The following ARFGEF2 variants were observed in gnomAD, a reference collection of about 807,000 sequenced individuals.
ARFGEF2 encodes ARF guanine nucleotide exchange factor 2.
ARFGEF2 carries 74 observed loss-of-function variants against 219.9 expected under a neutral mutation model. The ratio of observed to expected loss-of-function variants is 0.34; its 90% CI spans 0.28 to 0.41. The LOEUF (loss-of-function observed/expected upper bound fraction) is 0.41, where lower values mean the gene tolerates loss of function less well. Ranked by LOEUF, ARFGEF2 falls within the 10% of genes least tolerant of loss-of-function variation. The pLI is 1.00. For missense variants in ARFGEF2, 1,743 were observed against 2,218.3 expected (o/e 0.79, Z 4.30); for synonymous variants, 733 against 799.2 (o/e 0.92, Z 1.40).
chr20:48,925,908 T>A (rs2090873990), intron 1 of ARFGEF2, among the ~76,000 whole-genome samples: 1 of 152,128 alleles, frequency 6.6e-6, no homozygotes, highest in Non-Finnish European at 1.5e-5. Flanking sequence ...ATCAAGAAAA[T>A]TTAAAAAGAA....
At chr20:48,964,295 T>G (rs112373623) in intron 7 of ARFGEF2, among the ~76,000 whole-genome samples, 75 of 152,104 alleles carry the variant, frequency 4.9e-4, no homozygotes, top group Non-Finnish European at 6.8e-4. Context: ...GTCCCAGCTA[T>G]TCGGGAGGCT....
intron 3 of ARFGEF2, among the ~76,000 whole-genome samples, chr20:48,943,445 A>G (rs2091006244): frequency 6.6e-6 from 1 of 152,254 alleles, no homozygotes; most frequent in Non-Finnish European, 1.5e-5. Context: ...TGACTTGTCC[A>G]GTAATATACA....
chr20:49,019,922 A>G (rs963251169), intron 34 of ARFGEF2, among the ~76,000 whole-genome samples: 10 of 152,064 alleles, frequency 6.6e-5, no homozygotes, highest in Non-Finnish European at 1.2e-4. Flanking sequence ...TTGTCTCTTA[A>G]TGTTGCTTAT....
At chr20:49,004,086 C>T (rs1036313486) in intron 25 of ARFGEF2, among the ~76,000 whole-genome samples, 8 of 152,154 alleles carry the variant, frequency 5.3e-5, no homozygotes, top group South Asian at 2.1e-4. Flanking sequence ...AGTTCTCTGC[C>T]GGGCGTGGTG....
chr20:48,924,763 T>C (rs557515319), intron 1 of ARFGEF2, among the ~76,000 whole-genome samples: 16 of 151,904 alleles, frequency 1.1e-4, no homozygotes, highest in African/African-American at 3.9e-4. Flanking sequence ...AGATGTTAGC[T>C]AGGAGTGTAT....
chr20:48,975,744 T>G (rs1333541849), intron 13 of ARFGEF2, among the ~76,000 whole-genome samples: 2 of 144,974 alleles, frequency 1.4e-5, no homozygotes, highest in East Asian at 4.0e-4. Flanking sequence ...GAGGTTGCAC[T>G]GAGCCGAGAT....
chr20:48,927,909 T>G (rs139804345), intron 1 of ARFGEF2, among the ~76,000 whole-genome samples: 1,711 of 152,228 alleles, frequency 0.011, 12 homozygotes, highest in Non-Finnish European at 0.019. Context: ...GAGGAGGTTA[T>G]CTGTCTGGAA....
rs749849485 is a variant in ARFGEF2 at position 48,952,900 on chromosome 20, T to TA, written c.603+17dup. ...AAACCAAGTGGTGAGTGACAGCACT[T>TA]ACGTGCTAGGGGCAAGACATCATTG... On this transcript the variant is annotated intron_variant, in intron 5 of 38. Coordinates refer to ENST00000371917, the MANE Select transcript of ARFGEF2 (RefSeq NM_006420.3). 1.9e-6 allele frequency: 3 copies of TA among 1,613,948 alleles called. No homozygotes were observed. Among genetic ancestry groups the TA allele is most frequent in the East Asian group, 2.2e-5 (1 of 44,880 alleles).
intron 30 of ARFGEF2, among the ~76,000 whole-genome samples, chr20:49,015,518 C>G (rs1209299033): frequency 6.6e-5 from 10 of 152,214 alleles, no homozygotes; most frequent in Admixed American, 6.5e-4. Context: ...CTGGACAGCA[C>G]TGAAATGAAC....
chr20:48,979,949 TTTTTTGAAGGG>T (rs2091284933), intron 14 of ARFGEF2, among the ~76,000 whole-genome samples: 1 of 152,094 alleles, frequency 6.6e-6, no homozygotes, highest in African/African-American at 2.4e-5. Flanking sequence ...TCGTTGATTT[TTTTTTGAAGGG>T]TTTTTTATGT....
chr20:48,954,644 C>G (rs2091095015), intron 6 of ARFGEF2, among the ~76,000 whole-genome samples: 1 of 152,148 alleles, frequency 6.6e-6, no homozygotes, highest in South Asian at 2.1e-4. Context: ...AGGTTTTATT[C>G]CTTTATAATT....
At chr20:49,032,921 A>C in intron 38 of ARFGEF2, 102 bp from the exon 39 acceptor site, 2 of 1,143,880 alleles carry the variant, frequency 1.7e-6, no homozygotes, top group Non-Finnish European at 2.6e-6. Flanking sequence ...GAAAAGCACC[A>C]ATATTGTAAT....
rs2091321159 is a variant in ARFGEF2, at chr20:48,985,393, G to A, written c.2071-15G>A. 6.2e-7 allele frequency: 1 copy of A among 1,613,904 alleles called. No homozygotes were observed. Among genetic ancestry groups the A allele is most frequent in the Non-Finnish European group, 8.5e-7 (1 of 1,179,800 alleles). On this transcript the variant is annotated splice_polypyrimidine_tract_variant and intron_variant, in intron 15 of 38. Transcript: ENST00000371917. ...TTTGACAATTTCTGGATATAAGTGA[G>A]TGTGTATGTTTCAGACCCAAGTAGG...
Position 49,019,232 on chromosome 20 carries a change from C to A in ARFGEF2, c.4624+234C>A, listed in dbSNP as rs546164453. On this transcript the variant is annotated intron_variant, in intron 34 of 38. Coordinates refer to ENST00000371917, the MANE Select transcript of ARFGEF2 (RefSeq NM_006420.3). ...CATATACATACATATATAGTACATA[C>A]GAATTTTCTCCTTTTACCAGTTATG... Among the ~76,000 whole-genome samples, 6 of 152,128 alleles carry A rather than the reference C, an allele frequency of 3.9e-5. No homozygotes were observed. In the South Asian group the frequency reaches 1.2e-3, roughly 32 times the overall value.
At chr20:48,944,080 A>C (rs2091010291) in intron 3 of ARFGEF2, among the ~76,000 whole-genome samples, 1 of 152,216 alleles carries the variant, frequency 6.6e-6, no homozygotes, top group Non-Finnish European at 1.5e-5. Flanking sequence ...TTCTTCACGG[A>C]AACAACTCTT....
chr20:48,945,959 T>G (rs1228403694), intron 3 of ARFGEF2, among the ~76,000 whole-genome samples: 2 of 152,224 alleles, frequency 1.3e-5, no homozygotes, highest in South Asian at 4.1e-4. Flanking sequence ...TTTCTTTGTT[T>G]AGTATACAAA....
chr20:49,015,387 ACAGGTGTGAGCCACCACACC>A (rs1407325131), intron 30 of ARFGEF2, among the ~76,000 whole-genome samples: 1 of 152,216 alleles, frequency 6.6e-6, no homozygotes, highest in Admixed American at 6.5e-5. Flanking sequence ...TGCAGGGATT[ACAGGTGTGAGCCACCACACC>A]CAGCCTTTCT....
chr20:48,976,924 AT>A (rs1309012549), intron 14 of ARFGEF2, among the ~76,000 whole-genome samples: 5 of 151,038 alleles, frequency 3.3e-5, no homozygotes, highest in African/African-American at 7.4e-5. Context: ...TATTTGTTTT[AT>A]TTTTTTAGGC....
chr20:48,999,017 C>G (rs1313533327), intron 25 of ARFGEF2, among the ~76,000 whole-genome samples: 6 of 152,214 alleles, frequency 3.9e-5, no homozygotes, highest in African/African-American at 1.4e-4. Context: ...ATGGGCAGAT[C>G]ACAAGGTCAG....
Sources: gnomAD v4.1 joint callset for allele counts (sites outside exome capture counted in the v4.1 genomes callset) on GRCh38, gnomAD v4.1.1 for gene constraint, MANE v1.5 for transcripts, NCBI Gene and HGNC (gene_info 2026-07-23, HGNC 2026-07-21) for gene names.